Variants in PCLO observed in about 807,000 individuals in gnomAD.
PCLO encodes the protein protein piccolo.
PCLO carries 82 observed loss-of-function variants against 427.5 expected under a neutral mutation model. The observed-to-expected ratio is 0.19, with a 90% confidence interval of 0.16 to 0.23. PCLO has a LOEUF of 0.23. Among genes scored for constraint, PCLO ranks in the 10% least tolerant of loss-of-function variants. The pLI, the probability that PCLO is intolerant of heterozygous loss-of-function variation, is 1.00. For synonymous variants in PCLO, 2,357 were observed against 2,155.4 expected, an observed-to-expected ratio of 1.09 and a Z score of -2.59; for missense variants, 6,239 against 6,115.9, an observed-to-expected ratio of 1.02 and a Z score of -0.67.
intron 3 of PCLO, among the ~76,000 whole-genome samples, chr7:83,118,104 T>C (rs1057263119): frequency 6.6e-6 from 1 of 152,182 alleles, no homozygotes. Context: ...CAAGCAGCTA[T>C]GCATTTCGAA....
At chr7:83,101,969 A>T (rs1790749607) in intron 3 of PCLO, among the ~76,000 whole-genome samples, 1 of 152,104 alleles carries the variant, frequency 6.6e-6, no homozygotes, top group South Asian at 2.1e-4. Flanking sequence ...ACATGATTTT[A>T]ATCAAGCAAA....
At chr7:82,827,989 G>A (rs1468731480) in intron 16 of PCLO, 23 bp from the exon 17 acceptor site, 4 of 1,352,562 alleles carry the variant, frequency 3.0e-6, no homozygotes, top group South Asian at 2.4e-5. Flanking sequence ...AAAAGAAAGA[G>A]TTATCTTGAT....
At chr7:82,929,177 GATA>G (rs1401298156) in intron 6 of PCLO, among the ~76,000 whole-genome samples, 3 of 152,176 alleles carry the variant, frequency 2.0e-5, no homozygotes, top group East Asian at 3.9e-4. Flanking sequence ...TTTAATGGGG[GATA>G]ATAAATTATT....
intron 10 of PCLO, among the ~76,000 whole-genome samples, chr7:82,861,621 A>C (rs1203049323): frequency 6.6e-6 from 1 of 152,022 alleles, no homozygotes; most frequent in Non-Finnish European, 1.5e-5. Flanking sequence ...TACACTATAG[A>C]CCAAATGGAT....
chr7:82,901,876 A>C (rs1386224333), intron 9 of PCLO, among the ~76,000 whole-genome samples: 1 of 152,048 alleles, frequency 6.6e-6, no homozygotes, highest in East Asian at 2.0e-4. Context: ...CAACAATGAG[A>C]TACCATCTCA....
Position 82,756,982 on chromosome 7 carries a change from G to A in PCLO, c.*1593C>T, listed in dbSNP as rs1208197792. 2.0e-5 allele frequency: 3 copies of A among 152,078 alleles called. No individual in the cohort carries two copies. Among genetic ancestry groups the A allele is most frequent in the Non-Finnish European group, 4.4e-5 (3 of 67,978 alleles). The allele number at this position is 152,078 out of a possible 1,614,324, so 9.4% of individuals were successfully genotyped here. ...TAAAATTTGAGAATTAAAAAGATAT[G>A]TAATAATTATTCCTCACTTCTGTGT... On this transcript the variant is annotated 3_prime_UTR_variant, in exon 25 of 25. Transcript: ENST00000333891.
intron 3 of PCLO, among the ~76,000 whole-genome samples, chr7:82,997,771 T>C (rs1369409952): frequency 6.6e-6 from 1 of 152,070 alleles, no homozygotes; most frequent in African/African-American, 2.4e-5. Context: ...TTTAAATTTA[T>C]TCTATTCTGC....
At chr7:83,036,972 T>G (rs1788811124) in intron 3 of PCLO, among the ~76,000 whole-genome samples, 1 of 152,054 alleles carries the variant, frequency 6.6e-6, no homozygotes, top group African/African-American at 2.4e-5. Context: ...TAAACAGTGA[T>G]AAGAAATGAA....
At chr7:82,802,594 C>T (rs1038197962) in intron 21 of PCLO, among the ~76,000 whole-genome samples, 3 of 152,030 alleles carry the variant, frequency 2.0e-5, no homozygotes, top group Non-Finnish European at 4.4e-5. Context: ...TTAGATAAGG[C>T]GTTCTAAAAA....
At chr7:83,123,315 G>C (rs1791335089) in intron 3 of PCLO, among the ~76,000 whole-genome samples, 1 of 152,096 alleles carries the variant, frequency 6.6e-6, no homozygotes, top group Admixed American at 6.5e-5. Context: ...TCAGAAATAA[G>C]TTCATACATC....
chr7:83,130,012 T>A (rs958542181), intron 3 of PCLO, among the ~76,000 whole-genome samples: 7 of 138,740 alleles, frequency 5.0e-5, no homozygotes, highest in Non-Finnish European at 1.1e-4. Context: ...TATTTCCTAA[T>A]TTTTTTTTTT....
At chr7:83,049,268 T>C (rs970370358) in intron 3 of PCLO, among the ~76,000 whole-genome samples, 1 of 152,146 alleles carries the variant, frequency 6.6e-6, no homozygotes, top group Non-Finnish European at 1.5e-5. Context: ...CAGCAAGGCA[T>C]GATACAAAAG....
intron 22 of PCLO, among the ~76,000 whole-genome samples, chr7:82,779,314 A>G (rs760940412): frequency 6.6e-6 from 1 of 152,026 alleles, no homozygotes; most frequent in Non-Finnish European, 1.5e-5. Context: ...TACCAGCTTT[A>G]TTTTGAATAA....
At chr7:83,037,392 G>A (rs1420259623) in intron 3 of PCLO, among the ~76,000 whole-genome samples, 4 of 151,898 alleles carry the variant, frequency 2.6e-5, no homozygotes, top group Admixed American at 1.3e-4. Context: ...AGTATAAGAC[G>A]CTCTATAAGT....
intron 3 of PCLO, among the ~76,000 whole-genome samples, chr7:83,075,768 T>C (rs1028757943): frequency 4.6e-5 from 7 of 152,146 alleles, no homozygotes; most frequent in African/African-American, 1.2e-4. Context: ...AATATGATTA[T>C]GACATTTTAA....
rs761924140 is a variant in PCLO at position 82,954,811 on chromosome 7, T to C, written c.6142A>G (p.Met2048Val). ...CTTTCTTCTTCTGTAGAAGTTACCA[T>C]AGTACCCAGGTCCACTATCTCATGG... ...ESHEIVDLGTMVTSTEEERKL... is the reference protein window; with the variant it reads ...ESHEIVDLGTVVTSTEEERKL... The change falls in exon 5 of 25, where the codon ATG (methionine) becomes GTG (valine). Residue 2048 changes from methionine to valine, a missense_variant. Met to Val is a conservative substitution (Grantham distance 21, BLOSUM62 1). Around this residue, in one of 5 missense-constraint regions of PCLO, gnomAD observed 4,677 missense variants for 4,468.4 expected, o/e 1.05. Coordinates refer to ENST00000333891, the MANE Select transcript of PCLO (RefSeq NM_033026.6). The C allele has an allele frequency of 8.7e-6, 14 of 1,613,750 alleles. No individual in the cohort carries two copies. The highest frequency in any genetic ancestry group is 6.7e-5 in the East Asian group (3 of 44,886).
chr7:82,776,929 C>T (rs1040084570), intron 22 of PCLO, among the ~76,000 whole-genome samples: 2 of 151,198 alleles, frequency 1.3e-5, no homozygotes, highest in South Asian at 2.1e-4. Context: ...CACACACACA[C>T]ACATACACAC....
At chr7:82,857,352 T>A (rs979553589) in intron 10 of PCLO, among the ~76,000 whole-genome samples, 3 of 152,154 alleles carry the variant, frequency 2.0e-5, no homozygotes, top group Non-Finnish European at 4.4e-5. Flanking sequence ...CTTTAAGTAT[T>A]CTTACTGAAT....
intron 3 of PCLO, among the ~76,000 whole-genome samples, chr7:83,103,837 T>C (rs1223243467): frequency 6.6e-6 from 1 of 152,040 alleles, no homozygotes; most frequent in African/African-American, 2.4e-5. Flanking sequence ...TGTACTAAGC[T>C]GTCTCATGGG....
Sources: allele counts gnomAD v4.1 joint callset (sites outside exome capture counted in the v4.1 genomes callset), GRCh38; gene constraint gnomAD v4.1.1; regional missense constraint gnomAD v4.1.1; transcripts MANE v1.5; gene names NCBI Gene and HGNC (gene_info 2026-07-23, HGNC 2026-07-21).